ITGB8: variants seen among roughly 807,000 people sequenced by gnomAD.
ITGB8 encodes the protein integrin subunit beta 8, also known as integrin beta-8.
ITGB8 carries 30 observed loss-of-function variants against 89.5 expected under a neutral mutation model. The observed-to-expected ratio is 0.34, with a 90% CI of 0.25 to 0.45. ITGB8 has a LOEUF of 0.45. Among genes scored for constraint, ITGB8 ranks in the 20% least tolerant of loss-of-function variants. The probability of loss-of-function intolerance (pLI) is 1.00; values close to 1 mark genes in which losing one functional copy is unlikely to be tolerated. For missense variants in ITGB8, 836 were observed against 933.3 expected (o/e 0.90, Z 1.36); for synonymous variants, 335 against 320.4 (o/e 1.05, Z -0.49).
intron 8 of ITGB8, 90 bp downstream of exon 8, chr7:20,395,075 G>A: frequency 1.4e-6 from 1 of 727,466 alleles, no homozygotes; most frequent in Non-Finnish European, 2.4e-6. Flanking sequence ...CATCTCGAGA[G>A]GAGGAGTAGA....
chr7:20,346,796 G>A, intron 1 of ITGB8: 1 of 985,382 alleles, frequency 1.0e-6, no homozygotes, highest in African/African-American at 1.7e-5. Context: ...GCAGAGAGGA[G>A]GCATGTACAT....
intron 9 of ITGB8, among the ~76,000 whole-genome samples, chr7:20,400,802 G>T (rs1787277784): frequency 1.3e-5 from 2 of 152,228 alleles, no homozygotes; most frequent in Middle Eastern, 3.4e-3. Flanking sequence ...ATTTGCAAAT[G>T]AGAGTCCTAA....
At chr7:20,399,093 C>A in intron 9 of ITGB8, 99 bp downstream of exon 9, 1 of 1,217,940 alleles carries the variant, frequency 8.2e-7, no homozygotes, top group Non-Finnish European at 1.1e-6. Flanking sequence ...TTACTTACTA[C>A]TGACTCTAAG....
chr7:20,402,180 G>A lies in ITGB8; in HGVS notation c.1687+54G>A. 2.9e-6 allele frequency: 4 copies of A among 1,394,952 alleles called. 1 individual carries two copies. In the South Asian group the frequency reaches 5.9e-5, roughly 21 times the overall value. 86.4% of individuals were successfully genotyped at this position (1,394,952 alleles called of 1,614,324 possible). ...TACTTGTCACTATTACACCAGCATAGATGTTAAAGTGTCTTTAAATCACAT... is the reference window on the plus strand; with the variant it reads ...TACTTGTCACTATTACACCAGCATAAATGTTAAAGTGTCTTTAAATCACAT... On this transcript the variant is annotated intron_variant, in intron 10 of 13. Coordinates refer to ENST00000222573, the MANE Select transcript of ITGB8 (RefSeq NM_002214.3).
At chr7:20,360,928 T>C (rs1457402006) in intron 1 of ITGB8, among the ~76,000 whole-genome samples, 2 of 150,832 alleles carry the variant, frequency 1.3e-5, no homozygotes, top group Non-Finnish European at 3.0e-5. Context: ...TTTTTTTTTT[T>C]TTTTTTTGGA....
intron 5 of ITGB8, chr7:20,381,167 C>CTT (rs35466081): frequency 1.3e-4 from 21 of 159,840 alleles, no homozygotes; most frequent in South Asian, 3.7e-4. Flanking sequence ...TGTTCTCCTA[C>CTT]TTTTTTTTTT....
At chr7:20,348,729 T>C (rs1315093995) in intron 1 of ITGB8, among the ~76,000 whole-genome samples, 2 of 152,130 alleles carry the variant, frequency 1.3e-5, no homozygotes, top group South Asian at 2.1e-4. Flanking sequence ...GGGGAGCATA[T>C]AAATAAGAGC....
chr7:20,341,497 C>G (rs1003888641), intron 1 of ITGB8, among the ~76,000 whole-genome samples: 2 of 152,172 alleles, frequency 1.3e-5, no homozygotes, highest in African/African-American at 4.8e-5. Flanking sequence ...AATATGAGAA[C>G]TAAATGGCAT....
chr7:20,377,691 T>G (rs2127958006), intron 3 of ITGB8, among the ~76,000 whole-genome samples: 1 of 152,340 alleles, frequency 6.6e-6, no homozygotes, highest in Non-Finnish European at 1.5e-5. Context: ...CTGGGCCATG[T>G]GTGCCCTATT....
intron 2 of ITGB8, chr7:20,366,783 C>A: frequency 2.4e-6 from 1 of 410,286 alleles, no homozygotes; most frequent in South Asian, 3.3e-5. Context: ...AAAAAAAAGC[C>A]AACCAGAGAA....
At chr7:20,396,541 C>T (rs992964287) in intron 8 of ITGB8, among the ~76,000 whole-genome samples, 2 of 151,994 alleles carry the variant, frequency 1.3e-5, no homozygotes, top group Non-Finnish European at 2.9e-5. Flanking sequence ...CTGAAAAGTA[C>T]GTTGAGTAAA....
At chr7:20,395,227 A>T (rs76112616) in intron 8 of ITGB8, among the ~76,000 whole-genome samples, 13,979 of 152,222 alleles carry the variant, frequency 0.092, 761 homozygotes, top group South Asian at 0.24. Context: ...GCTAGAGGCT[A>T]TCTAAATTTC....
intron 2 of ITGB8, chr7:20,366,417 A>T (rs1785698455): frequency 6.6e-6 from 1 of 151,948 alleles, no homozygotes; most frequent in South Asian, 2.1e-4. Context: ...AAAAGTTTTC[A>T]TATATATATA....
At position 20,415,510 on chromosome 7, in the gene ITGB8, T is replaced by C. The variant is rs1025386409; in HGVS notation, c.*5513T>C. The C allele has an allele frequency of 5.2e-5, 8 of 152,624 alleles. No homozygotes were observed. Among genetic ancestry groups the C allele is most frequent in the African/African-American group, 1.9e-4 (8 of 41,562 alleles). 9.5% of individuals were successfully genotyped at this position (152,624 alleles called of 1,614,324 possible). A position where few individuals can be genotyped will look rare whatever the true frequency, so the allele number is the denominator to read the frequency against. On this transcript the variant is annotated 3_prime_UTR_variant, in exon 14 of 14. Transcript: ENST00000222573. ...AAATTGTCTTAAATGATACAGAATA[T>C]TGGAGAATATGATACTTTCACATAA...
intron 1 of ITGB8, 46 bp downstream of exon 1, chr7:20,331,979 C>T (rs1329329258): frequency 6.3e-7 from 1 of 1,595,580 alleles, no homozygotes; most frequent in Non-Finnish European, 8.5e-7. Flanking sequence ...CCCCAAAGGT[C>T]TTGGGCTGGC....
chr7:20,388,615 T>A (rs907887659), intron 6 of ITGB8, among the ~76,000 whole-genome samples: 28 of 152,148 alleles, frequency 1.8e-4, no homozygotes, highest in African/African-American at 6.8e-4. Context: ...TTTGTAGGCT[T>A]GAAAATTCGA....
upstream of ITGB8, chr7:20,329,810 G>C (rs1784315089): frequency 6.6e-6 from 1 of 152,112 alleles, no homozygotes; most frequent in African/African-American, 2.4e-5. Flanking sequence ...CCATCACCGT[G>C]TTAAACTGGA....
chr7:20,383,413 T>C (rs905874613), intron 6 of ITGB8, among the ~76,000 whole-genome samples: 4 of 152,224 alleles, frequency 2.6e-5, no homozygotes, highest in African/African-American at 9.6e-5. Flanking sequence ...TCATTTCTTA[T>C]CTATCTTTCC....
intron 1 of ITGB8, chr7:20,332,151 G>A (rs1340607272): frequency 3.8e-6 from 4 of 1,043,098 alleles, no homozygotes; most frequent in East Asian, 2.7e-5. Context: ...ATTATCAGAG[G>A]AGACACTCTG....
Sources: gnomAD v4.1 joint callset for allele counts (sites outside exome capture counted in the v4.1 genomes callset) on GRCh38, gnomAD v4.1.1 for gene constraint, MANE v1.5 for transcripts, NCBI Gene and HGNC (gene_info 2026-07-23, HGNC 2026-07-21) for gene names.